RAD51B: variants seen among roughly 807,000 people sequenced by gnomAD.
The protein encoded by RAD51B is DNA repair protein RAD51 homolog 2.
RAD51B carries 38 observed loss-of-function variants against 42.2 expected under a neutral mutation model. The ratio of observed to expected loss-of-function variants is 0.90; its 90% CI spans 0.70 to 1.18. The LOEUF (loss-of-function observed/expected upper bound fraction) is 1.18. Ranked by LOEUF, RAD51B falls within the 50% of genes most tolerant of loss-of-function variation. RAD51B has a pLI of 0.00. For missense variants in RAD51B, 373 were observed against 400.7 expected (o/e 0.93, Z 0.59); for synonymous variants, 154 against 145.2 (o/e 1.06, Z -0.43).
At chr14:68,169,642 G>C (rs539911972) in intron 7 of RAD51B, among the ~76,000 whole-genome samples, 1 of 152,170 alleles carries the variant, frequency 6.6e-6, no homozygotes, top group Non-Finnish European at 1.5e-5. Flanking sequence ...GCTGAGTCCT[G>C]CTGGCTCGAA....
rs71129897 is a variant in RAD51B, at chr14:68,549,409, A to ATTTTTTTTTTTT, written c.1037-45063_1037-45052dup. Among the ~76,000 whole-genome samples the ATTTTTTTTTTTT allele has an allele frequency of 9.3e-4, 59 of 63,566 alleles. 5 individuals carry two copies. Among genetic ancestry groups the ATTTTTTTTTTTT allele is most frequent in the Non-Finnish European group, 1.3e-3 (40 of 30,634 alleles). 41.7% of individuals were successfully genotyped at this position (63,566 alleles called of 152,430 possible). ...AGTGCTTCATCCATGCCCTGGACAC[A>ATTTTTTTTTTTT]TTTTTTTTTTTTTTTTTTTTTTTTG... On this transcript the variant is annotated intron_variant, in intron 10 of 10. Transcript: ENST00000487270.
At chr14:68,655,183 C>T (rs765193244) in intron 11 of RAD51B, among the ~76,000 whole-genome samples, 2 of 152,070 alleles carry the variant, frequency 1.3e-5, no homozygotes, top group Non-Finnish European at 2.9e-5. Context: ...TGCCCCCACT[C>T]TCAGGAGCCC....
rs200783937 is a variant in RAD51B, at chr14:67,869,893, T to G, written c.452+4754T>G. 1.7e-3 allele frequency among the ~76,000 whole-genome samples: 252 copies of G among 151,392 alleles called. 3 individuals are homozygous for G. Among genetic ancestry groups the G allele is most frequent in the East Asian group, 0.014 (71 of 5,146 alleles). ...TACAGACAAGCAAATGCTGAGAGAT[T>G]TTGTCACCACCAGGTCTGCCCTAAA... On this transcript the variant is annotated intron_variant, in intron 5 of 10. Transcript: ENST00000471583.
intron 9 of RAD51B, among the ~76,000 whole-genome samples, chr14:68,451,866 A>C (rs758153624): frequency 6.6e-6 from 1 of 152,188 alleles, no homozygotes; most frequent in Non-Finnish European, 1.5e-5. Flanking sequence ...CCTTCCTTGA[A>C]TGGGTTCCTG....
intron 7 of RAD51B, among the ~76,000 whole-genome samples, chr14:68,227,584 TG>T (rs1407116640): frequency 1.3e-5 from 2 of 152,214 alleles, no homozygotes; most frequent in Non-Finnish European, 2.9e-5. Context: ...ATATTTCCAA[TG>T]TAGCGATAAT....
chr14:68,438,795 G>A (rs2085209003), intron 9 of RAD51B, among the ~76,000 whole-genome samples: 1 of 152,204 alleles, frequency 6.6e-6, no homozygotes, highest in Non-Finnish European at 1.5e-5. Flanking sequence ...CGCCTGAGCT[G>A]AGAGAGGAGA....
intron 10 of RAD51B, among the ~76,000 whole-genome samples, chr14:68,524,183 G>T (rs536850675): frequency 6.6e-6 from 1 of 152,188 alleles, no homozygotes; most frequent in South Asian, 2.1e-4. Context: ...CCTTCCCAAG[G>T]GCACACATGG....
chr14:68,408,154 A>G (rs1324412885), intron 8 of RAD51B, among the ~76,000 whole-genome samples: 2 of 152,210 alleles, frequency 1.3e-5, no homozygotes, highest in Non-Finnish European at 2.9e-5. Context: ...ATGGAGAGTC[A>G]GGAATGGATC....
At chr14:68,056,877 G>A (rs1055945737) in intron 7 of RAD51B, among the ~76,000 whole-genome samples, 1 of 151,900 alleles carries the variant, frequency 6.6e-6, no homozygotes, top group Non-Finnish European at 1.5e-5. Context: ...TCAGGAGTTC[G>A]AGACCAGCCT....
At chr14:67,842,670 T>G (rs946300354) in intron 4 of RAD51B, among the ~76,000 whole-genome samples, 2 of 152,206 alleles carry the variant, frequency 1.3e-5, no homozygotes, top group Admixed American at 1.3e-4. Flanking sequence ...GTGCCCAGCC[T>G]TATTTCTTTC....
intron 7 of RAD51B, among the ~76,000 whole-genome samples, chr14:68,185,446 A>G (rs1200067564): frequency 6.6e-6 from 1 of 152,240 alleles, no homozygotes; most frequent in African/African-American, 2.4e-5. Context: ...GACAATAACT[A>G]AAGATTATTT....
intron 7 of RAD51B, among the ~76,000 whole-genome samples, chr14:68,059,582 G>A (rs191301412): frequency 1.2e-3 from 189 of 152,156 alleles, no homozygotes; most frequent in African/African-American, 4.3e-3. Flanking sequence ...TTGCATTTCT[G>A]CTAGGTGGAA....
At chr14:68,604,628 G>T (rs887058691) in intron 10 of RAD51B, among the ~76,000 whole-genome samples, 3 of 152,148 alleles carry the variant, frequency 2.0e-5, no homozygotes, top group African/African-American at 4.8e-5. Context: ...ATGCCCCAGC[G>T]GCAGCGCCAT....
chr14:67,892,133 C>T (rs2043237208), intron 7 of RAD51B, among the ~76,000 whole-genome samples: 1 of 152,128 alleles, frequency 6.6e-6, no homozygotes, highest in Admixed American at 6.5e-5. Context: ...AAGAAAAGTC[C>T]TTTACAGGAT....
intron 7 of RAD51B, among the ~76,000 whole-genome samples, chr14:68,215,648 G>A (rs1371176880): frequency 6.6e-6 from 1 of 152,148 alleles, no homozygotes; most frequent in Non-Finnish European, 1.5e-5. Flanking sequence ...ATACTCTTAA[G>A]CACTAGGTTG....
intron 7 of RAD51B, among the ~76,000 whole-genome samples, chr14:68,083,584 A>G (rs1595372385): frequency 6.6e-6 from 1 of 152,194 alleles, no homozygotes; most frequent in African/African-American, 2.4e-5. Context: ...AAAACGTGAT[A>G]TCTAGGAAAG....
In RAD51B at chr14:68,534,604, G is replaced by A. The variant is rs796306157; in HGVS notation, c.1037-59881G>A. 5.3e-5 allele frequency among the ~76,000 whole-genome samples: 8 copies of A among 152,230 alleles called. No homozygotes were observed. The East Asian group carries it at 9.7e-4, about 18-fold the overall frequency. ...ACATCCTCAGGGCCAATCAGGTTTT[G>A]GTGAAGGCGCGAAGATGAACAGAAT... On this transcript the variant is annotated intron_variant, in intron 10 of 10. Coordinates refer to the RAD51B transcript ENST00000487270.
At chr14:68,097,775 A>G (rs998416144) in intron 7 of RAD51B, among the ~76,000 whole-genome samples, 1 of 152,166 alleles carries the variant, frequency 6.6e-6, no homozygotes, top group Admixed American at 6.5e-5. Flanking sequence ...TCAAAATGTT[A>G]TTCTTAAAAT....
chr14:67,937,681 G>T (rs1017785698), intron 7 of RAD51B, among the ~76,000 whole-genome samples: 1 of 152,136 alleles, frequency 6.6e-6, no homozygotes, highest in Non-Finnish European at 1.5e-5. Flanking sequence ...GATGAACATA[G>T]AGTAACACGC....
Sources: gnomAD v4.1 joint callset for allele counts (sites outside exome capture counted in the v4.1 genomes callset) on GRCh38, gnomAD v4.1.1 for gene constraint, MANE v1.5 for transcripts, NCBI Gene and HGNC (gene_info 2026-07-23, HGNC 2026-07-21) for gene names.